L3MBTL4: variants seen among roughly 807,000 people sequenced by gnomAD.
The protein encoded by L3MBTL4 is lethal(3)malignant brain tumor-like protein 4.
Under a neutral mutation model 84.5 loss-of-function variants are expected in L3MBTL4, and 70 were observed. The observed-to-expected ratio is 0.83, with a 90% CI of 0.68 to 1.01. The LOEUF is 1.01. L3MBTL4 is among the 50% of genes least tolerant of loss of function. L3MBTL4 has a pLI of 0.00. For missense variants in L3MBTL4, 715 were observed against 754.8 expected (o/e 0.95, Z 0.62); for synonymous variants, 274 against 259.8 (o/e 1.05, Z -0.52).
chr18:6,123,774 T>C (rs1220674092), intron 14 of L3MBTL4, among the ~76,000 whole-genome samples: 1 of 152,222 alleles, frequency 6.6e-6, no homozygotes, highest in East Asian at 1.9e-4. Flanking sequence ...ATTATGTGAA[T>C]TTGTCCTTTG....
chr18:6,082,731 T>C (rs1473542870), intron 15 of L3MBTL4, among the ~76,000 whole-genome samples: 3 of 152,198 alleles, frequency 2.0e-5, no homozygotes, highest in African/African-American at 7.2e-5. Flanking sequence ...CATTTTAAAA[T>C]AAATCAAATA....
chr18:6,004,762 T>A (rs532523938), intron 16 of L3MBTL4, among the ~76,000 whole-genome samples: 1 of 152,248 alleles, frequency 6.6e-6, no homozygotes, highest in African/African-American at 2.4e-5. Flanking sequence ...ACAAATATTG[T>A]ATGATTCTGT....
At chr18:6,155,729 TAA>T (rs2066509066) in intron 13 of L3MBTL4, among the ~76,000 whole-genome samples, 1 of 152,234 alleles carries the variant, frequency 6.6e-6, no homozygotes, top group African/African-American at 2.4e-5. Context: ...TTCAGTTCTC[TAA>T]GTCTGTCATT....
At chr18:6,106,115 G>A (rs919260067) in intron 14 of L3MBTL4, among the ~76,000 whole-genome samples, 2 of 152,186 alleles carry the variant, frequency 1.3e-5, no homozygotes, top group African/African-American at 4.8e-5. Context: ...GGTTAAAGAA[G>A]TCATTGTAGG....
At chr18:6,264,386 T>C (rs1238286179) in intron 4 of L3MBTL4, among the ~76,000 whole-genome samples, 1 of 152,216 alleles carries the variant, frequency 6.6e-6, no homozygotes, top group African/African-American at 2.4e-5. Flanking sequence ...GTTAATAGTC[T>C]AAAGTTTTTT....
At chr18:6,203,947 G>A (rs916745567) in intron 12 of L3MBTL4, among the ~76,000 whole-genome samples, 7 of 152,196 alleles carry the variant, frequency 4.6e-5, no homozygotes, top group African/African-American at 1.7e-4. Context: ...GCCTGGGCAT[G>A]AAATCTGCCT....
intron 16 of L3MBTL4, among the ~76,000 whole-genome samples, chr18:6,075,530 A>AT (rs1338657629): frequency 6.6e-6 from 1 of 152,208 alleles, no homozygotes; most frequent in Non-Finnish European, 1.5e-5. Flanking sequence ...AAAATCACTT[A>AT]TAGGTACACT....
chr18:5,969,258 G>C, intron 17 of L3MBTL4, 135 bp downstream of exon 17: 1 of 939,456 alleles, frequency 1.1e-6, no homozygotes. Flanking sequence ...AGGTTTTAAA[G>C]TTTACATGGC....
intron 1 of L3MBTL4, among the ~76,000 whole-genome samples, chr18:6,315,145 G>A (rs1405143806): frequency 6.6e-6 from 1 of 152,170 alleles, no homozygotes; most frequent in Non-Finnish European, 1.5e-5. Context: ...CTAACGACAT[G>A]CACAGTGAAA....
chr18:6,048,161 A>T (rs960742681), intron 16 of L3MBTL4, among the ~76,000 whole-genome samples: 4 of 152,150 alleles, frequency 2.6e-5, no homozygotes, highest in Admixed American at 6.5e-5. Flanking sequence ...ATAAAAATAA[A>T]ATAGCTAGGA....
At chr18:6,263,859 G>T in intron 5 of L3MBTL4, 88 bp downstream of exon 5, 1 of 878,304 alleles carries the variant, frequency 1.1e-6, no homozygotes, top group South Asian at 1.4e-5. Context: ...CAAATAAGTT[G>T]ATGGGCTATC....
At chr18:6,263,414 T>TAAGG (rs1298240728) in intron 5 of L3MBTL4, among the ~76,000 whole-genome samples, 4 of 152,132 alleles carry the variant, frequency 2.6e-5, no homozygotes, top group Non-Finnish European at 5.9e-5. Context: ...TGATCCCCTG[T>TAAGG]AAGGCCCAGA....
intron 13 of L3MBTL4, among the ~76,000 whole-genome samples, chr18:6,151,767 T>C (rs1239575492): frequency 1.3e-5 from 2 of 152,220 alleles, no homozygotes; most frequent in Non-Finnish European, 2.9e-5. Flanking sequence ...GATAAACATA[T>C]ATATTGTGTG....
intron 12 of L3MBTL4, among the ~76,000 whole-genome samples, chr18:6,197,832 C>T (rs2045474376): frequency 6.6e-6 from 1 of 152,220 alleles, no homozygotes; most frequent in Admixed American, 6.5e-5. Flanking sequence ...AACTCATTTG[C>T]TATCACTGCT....
intron 16 of L3MBTL4, chr18:6,029,584 T>C: frequency 4.1e-6 from 4 of 985,300 alleles, no homozygotes; most frequent in South Asian, 4.7e-5. Flanking sequence ...ATAAACTGCT[T>C]AGGAATAAAC....
intron 12 of L3MBTL4, among the ~76,000 whole-genome samples, chr18:6,190,955 C>T (rs138330965): frequency 1.3e-5 from 2 of 152,194 alleles, no homozygotes; most frequent in East Asian, 3.9e-4. Flanking sequence ...TCTAGTTTGG[C>T]TGGAGTAGAC....
chr18:6,230,585 T>C (rs1291373929), intron 10 of L3MBTL4, among the ~76,000 whole-genome samples: 2 of 152,180 alleles, frequency 1.3e-5, no homozygotes, highest in Non-Finnish European at 2.9e-5. Flanking sequence ...TATATTCCTT[T>C]GGGTATATAC....
chr18:6,079,788 T>G (rs965513967), intron 16 of L3MBTL4, among the ~76,000 whole-genome samples: 1 of 152,198 alleles, frequency 6.6e-6, no homozygotes, highest in African/African-American at 2.4e-5. Context: ...ATGAGAACAT[T>G]TGTATGGAAC....
At position 5,981,791 on chromosome 18, in the gene L3MBTL4, T is replaced by C. The variant is rs186964550; in HGVS notation, c.1445-12229A>G. 4.6e-5 allele frequency among the ~76,000 whole-genome samples: 7 copies of C among 151,782 alleles called. No homozygotes were observed. In the South Asian group the frequency reaches 8.4e-4, roughly 18 times the overall value. ...CTCCAGGCTGAGGGACAAAGTGACA[T>C]CTCATCTCAAAAAAAAAATTTTTTT... On this transcript the variant is annotated intron_variant, in intron 16 of 18. Transcript: ENST00000317931.
Sources: allele counts gnomAD v4.1 joint callset (sites outside exome capture counted in the v4.1 genomes callset), GRCh38; gene constraint gnomAD v4.1.1; transcripts MANE v1.5; gene names NCBI Gene and HGNC (gene_info 2026-07-23, HGNC 2026-07-21).